S100Z: variants seen among roughly 807,000 people sequenced by gnomAD.
S100Z encodes S100 calcium binding protein Z, also known as protein S100-Z.
S100Z carries 11 observed loss-of-function variants against 8.5 expected under a neutral mutation model. The ratio of observed to expected loss-of-function variants is 1.30; its 90% CI spans 0.82 to 2.15. The LOEUF (loss-of-function observed/expected upper bound fraction) is 2.15. S100Z is among the 30% of genes most tolerant of loss of function. S100Z has a pLI of 0.00. For missense variants in S100Z, 126 were observed against 117.9 expected, an observed-to-expected ratio of 1.07 and a Z score of -0.32; for synonymous variants, 34 against 43.8, an observed-to-expected ratio of 0.78 and a Z score of 0.89.
At chr5:76,947,624 T>C in the S100Z span, among the ~76,000 whole-genome samples, 1 of 151,996 alleles carries the variant, frequency 6.6e-6, no homozygotes, top group Non-Finnish European at 1.5e-5. Flanking sequence ...ATATCACAAA[T>C]CTACAGTAGT....
the S100Z span, among the ~76,000 whole-genome samples, chr5:76,943,347 ATG>A: frequency 3.3e-5 from 5 of 152,322 alleles, no homozygotes; most frequent in South Asian, 8.3e-4. Flanking sequence ...CACATATTGC[ATG>A]AGAGAGAGAA....
intron 1 of S100Z, among the ~76,000 whole-genome samples, chr5:76,865,308 G>T (rs1179825020): frequency 1.4e-5 from 2 of 146,766 alleles, no homozygotes; most frequent in South Asian, 4.3e-4. Context: ...GCAGTGGTGC[G>T]ATCTTGGCTC....
intron 4 of S100Z, among the ~76,000 whole-genome samples, chr5:76,886,386 G>T (rs923508810): frequency 2.0e-5 from 3 of 152,186 alleles, no homozygotes; most frequent in Non-Finnish European, 4.4e-5. Flanking sequence ...ATTTAAAGGA[G>T]AAAGAGGTTG....
chr5:76,950,113 A>G, the S100Z span, among the ~76,000 whole-genome samples: 1 of 152,250 alleles, frequency 6.6e-6, no homozygotes, highest in African/African-American at 2.4e-5. Context: ...ACGCAATGAT[A>G]TGTTCTATTT....
chr5:76,948,519 G>A, the S100Z span, among the ~76,000 whole-genome samples: 6 of 152,014 alleles, frequency 3.9e-5, no homozygotes, highest in Non-Finnish European at 7.4e-5. Flanking sequence ...ATGGGCTAAG[G>A]ACTTGAATAG....
chr5:76,864,802 G>A (rs529119004), intron 1 of S100Z, among the ~76,000 whole-genome samples: 36 of 152,214 alleles, frequency 2.4e-4, no homozygotes, highest in African/African-American at 8.4e-4. Context: ...TCTGCCTCCC[G>A]GGTTCAAGTG....
chr5:76,919,514 C>A (rs1217275544), intron 4 of S100Z, among the ~76,000 whole-genome samples: 1 of 150,850 alleles, frequency 6.6e-6, no homozygotes, highest in East Asian at 1.9e-4. Context: ...CAGGTCTTCT[C>A]TTCTTCTCCC....
chr5:76,914,319 G>T (rs1294371319), intron 4 of S100Z, among the ~76,000 whole-genome samples: 1 of 151,982 alleles, frequency 6.6e-6, no homozygotes, highest in Non-Finnish European at 1.5e-5. Context: ...TTTCTGTCTA[G>T]CTAAAGGATT....
At chr5:76,944,067 C>T in the S100Z span, among the ~76,000 whole-genome samples, 3 of 152,198 alleles carry the variant, frequency 2.0e-5, no homozygotes, top group South Asian at 4.1e-4. Flanking sequence ...TTGCCTCACC[C>T]TATCCCGGCC....
At chr5:76,868,449 T>C (rs535595672) in intron 1 of S100Z, among the ~76,000 whole-genome samples, 1 of 152,306 alleles carries the variant, frequency 6.6e-6, no homozygotes, top group East Asian at 1.9e-4. Flanking sequence ...TCTATTCTAT[T>C]AGGAGTTTTA....
chr5:76,945,322 G>A, the S100Z span, among the ~76,000 whole-genome samples: 1 of 152,292 alleles, frequency 6.6e-6, no homozygotes, highest in Admixed American at 6.5e-5. Flanking sequence ...CTGAGATATG[G>A]CCTCAAGGGA....
In S100Z at chr5:76,921,606, T is replaced by C. The variant is rs1262678030; in HGVS notation, c.*892T>C. 1 of 152,224 alleles carries C rather than the reference T, an allele frequency of 6.6e-6. No homozygotes were observed. Among genetic ancestry groups the C allele is most frequent in the Admixed American group, 6.5e-5 (1 of 15,282 alleles). 9.4% of individuals were successfully genotyped at this position (152,224 alleles called of 1,614,324 possible). A position where few individuals can be genotyped will look rare whatever the true frequency, so the allele number is the denominator to read the frequency against. ...ACCACGATGTCCTTTTACTTGAAGATTTTAAAAGGAAATGATTACAATAAA... is the reference window on the plus strand; with the variant it reads ...ACCACGATGTCCTTTTACTTGAAGACTTTAAAAGGAAATGATTACAATAAA... On this transcript the variant is annotated 3_prime_UTR_variant, in exon 5 of 5. Coordinates refer to ENST00000317593, the MANE Select transcript of S100Z (RefSeq NM_130772.4).
At chr5:76,887,551 C>T (rs1743691767) in intron 4 of S100Z, among the ~76,000 whole-genome samples, 1 of 152,002 alleles carries the variant, frequency 6.6e-6, no homozygotes, top group African/African-American at 2.4e-5. Flanking sequence ...AGGCACACCA[C>T]CACGCCTGGC....
At chr5:76,864,252 A>G (rs1208463664) in intron 1 of S100Z, among the ~76,000 whole-genome samples, 2 of 152,110 alleles carry the variant, frequency 1.3e-5, no homozygotes, top group Admixed American at 6.6e-5. Flanking sequence ...ACACAACACA[A>G]TACTTACATG....
chr5:76,909,123 C>T lies in S100Z; in HGVS notation c.*3-11594C>T, dbSNP rs186643929. 5.6e-3 allele frequency among the ~76,000 whole-genome samples: 858 copies of T among 152,162 alleles called. 2 individuals are homozygous for T. The highest frequency in any genetic ancestry group is 9.6e-3 in the Non-Finnish European group (656 of 68,012). On this transcript the variant is annotated intron_variant, in intron 4 of 4. Coordinates refer to ENST00000317593, the MANE Select transcript of S100Z (RefSeq NM_130772.4). ...CAAGAGGTGTTTTCGGCTACTGCAT[C>T]GGTGAGCACAGCTATTCCAATCAGC...
the S100Z span, among the ~76,000 whole-genome samples, chr5:76,932,847 A>T: frequency 2.6e-5 from 4 of 152,250 alleles, no homozygotes; most frequent in South Asian, 2.1e-4. Flanking sequence ...AAGAAAGATT[A>T]AAAAAGTGTA....
intron 4 of S100Z, among the ~76,000 whole-genome samples, chr5:76,883,928 G>T (rs1379025191): frequency 1.3e-5 from 2 of 152,192 alleles, no homozygotes; most frequent in Admixed American, 6.5e-5. Context: ...TGCTGGAGAT[G>T]TGGCTGGGGT....
the S100Z span, among the ~76,000 whole-genome samples, chr5:76,933,415 C>T: frequency 6.6e-6 from 1 of 152,174 alleles, no homozygotes; most frequent in Non-Finnish European, 1.5e-5. Flanking sequence ...GGAATCACCT[C>T]AAACAGTGTG....
At chr5:76,877,560 T>C in intron 3 of S100Z, 114 bp from the exon 4 acceptor site, 1 of 699,720 alleles carries the variant, frequency 1.4e-6, no homozygotes, top group South Asian at 1.9e-5. Context: ...AGAAAATGTC[T>C]TTAGATGCTA....
Sources: allele counts gnomAD v4.1 joint callset (sites outside exome capture counted in the v4.1 genomes callset), GRCh38; gene constraint gnomAD v4.1.1; transcripts MANE v1.5; gene names NCBI Gene and HGNC (gene_info 2026-07-23, HGNC 2026-07-21).